The following MAN2A1 variants were observed in gnomAD, a reference collection of about 807,000 sequenced individuals.
The protein encoded by MAN2A1 is mannosidase alpha class 2A member 1, also known as alpha-mannosidase 2.
A neutral mutation model predicts 142.6 loss-of-function variants in MAN2A1; 76 were observed. The observed-to-expected ratio is 0.53, with a 90% CI of 0.44 to 0.65. The LOEUF is 0.65. Ranked by LOEUF, MAN2A1 falls within the 30% of genes least tolerant of loss-of-function variation. MAN2A1 has a pLI of 0.00. For synonymous variants in MAN2A1, 559 were observed against 473.2 expected, an observed-to-expected ratio of 1.18 and a Z score of -2.35; for missense variants, 1,311 against 1,365.1, an observed-to-expected ratio of 0.96 and a Z score of 0.62.
intron 9 of MAN2A1, among the ~76,000 whole-genome samples, chr5:109,784,322 C>T (rs1419446041): frequency 6.6e-6 from 1 of 152,140 alleles, no homozygotes; most frequent in Non-Finnish European, 1.5e-5. Flanking sequence ...TCTCATTTCT[C>T]TTAATGTGTA....
intron 9 of MAN2A1, 37 bp downstream of exon 9, chr5:109,781,635 A>G (rs1330891675): frequency 7.3e-7 from 1 of 1,368,698 alleles, no homozygotes; most frequent in South Asian, 1.4e-5. Context: ...GTATTTTTTC[A>G]CTTTATATTA....
At chr5:109,841,445 C>T (rs1452553534) in intron 16 of MAN2A1, among the ~76,000 whole-genome samples, 1 of 152,184 alleles carries the variant, frequency 6.6e-6, no homozygotes, top group African/African-American at 2.4e-5. Context: ...AGTCTCCAGT[C>T]TCATGGAGGT....
At chr5:109,712,661 C>T (rs1751334434) in intron 1 of MAN2A1, among the ~76,000 whole-genome samples, 1 of 152,124 alleles carries the variant, frequency 6.6e-6, no homozygotes, top group Admixed American at 6.5e-5. Context: ...ATAACATCAC[C>T]TTGTGTGTTC....
At chr5:109,737,066 T>C (rs1391432289) in intron 4 of MAN2A1, among the ~76,000 whole-genome samples, 2 of 151,046 alleles carry the variant, frequency 1.3e-5, no homozygotes, top group African/African-American at 4.9e-5. Context: ...TAATGTCTTA[T>C]GGCCATAGAA....
At chr5:109,808,171 T>C (rs540126441) in intron 12 of MAN2A1, among the ~76,000 whole-genome samples, 43 of 152,190 alleles carry the variant, frequency 2.8e-4, no homozygotes, top group Non-Finnish European at 4.7e-4. Context: ...ATAACATTAT[T>C]TCCCGTATAT....
intron 16 of MAN2A1, among the ~76,000 whole-genome samples, chr5:109,834,750 GAAATTTACTA>G (rs1304438573): frequency 6.6e-6 from 1 of 152,124 alleles, no homozygotes; most frequent in East Asian, 1.9e-4. Context: ...GACTTGGAAT[GAAATTTACTA>G]AAATTTGTAT....
chr5:109,807,322 G>A (rs1446885688), intron 12 of MAN2A1, among the ~76,000 whole-genome samples: 1 of 152,126 alleles, frequency 6.6e-6, no homozygotes, highest in Admixed American at 6.6e-5. Flanking sequence ...AACAGGAATA[G>A]TGTAACCTGG....
intron 12 of MAN2A1, among the ~76,000 whole-genome samples, chr5:109,815,038 A>T (rs893792121): frequency 6.6e-6 from 1 of 152,146 alleles, no homozygotes; most frequent in African/African-American, 2.4e-5. Context: ...CTCTGGGAAC[A>T]TGGGTTTCAG....
At chr5:109,855,478 C>T in intron 20 of MAN2A1, 144 bp downstream of exon 20, 1 of 505,826 alleles carries the variant, frequency 2.0e-6, no homozygotes, top group Non-Finnish European at 3.3e-6. Flanking sequence ...CCAAAAGCTT[C>T]ATGCCTTTCA....
intron 3 of MAN2A1, among the ~76,000 whole-genome samples, chr5:109,720,922 A>T (rs1050184871): frequency 2.6e-5 from 4 of 152,294 alleles, no homozygotes; most frequent in African/African-American, 7.2e-5. Flanking sequence ...TGGTTTAGCT[A>T]CTGCAGGATA....
intron 12 of MAN2A1, among the ~76,000 whole-genome samples, chr5:109,812,189 C>T (rs547072844): frequency 6.2e-4 from 95 of 152,060 alleles, no homozygotes; most frequent in African/African-American, 1.9e-3. Context: ...TCTTGTTTCC[C>T]GATTTTATAG....
intron 8 of MAN2A1, among the ~76,000 whole-genome samples, chr5:109,780,804 A>G (rs1753436320): frequency 6.6e-6 from 1 of 152,156 alleles, no homozygotes; most frequent in Non-Finnish European, 1.5e-5. Context: ...CACTCCTTGG[A>G]TTTAACTTCT....
Position 109,810,727 on chromosome 5 carries a change from G to C in MAN2A1, c.1944-6546G>C, listed in dbSNP as rs116530104. Among the ~76,000 whole-genome samples the C allele has an allele frequency of 5.2e-3, 790 of 152,246 alleles. 7 individuals carry two copies. The highest frequency in any genetic ancestry group is 0.018 in the African/African-American group (746 of 41,534). On this transcript the variant is annotated intron_variant, in intron 12 of 21. Transcript: ENST00000261483. ...CCCAGAGTGAAAATGACTGCAGAAG[G>C]CTGGTCACTTTTCTGAAGTTTTTTC...
chr5:109,835,902 G>A (rs1755043659), intron 16 of MAN2A1, among the ~76,000 whole-genome samples: 1 of 152,156 alleles, frequency 6.6e-6, no homozygotes, highest in African/African-American at 2.4e-5. Flanking sequence ...GGATCTGAGA[G>A]AGTTGGTGGT....
chr5:109,774,664 A>G, intron 7 of MAN2A1, 124 bp from the exon 8 acceptor site: 4 of 688,198 alleles, frequency 5.8e-6, no homozygotes, highest in East Asian at 2.9e-5. Context: ...TAGATAAAAT[A>G]TACAGTTTCT....
rs183408710 is a variant in MAN2A1 at position 109,733,299 on chromosome 5, C to T, written c.707+3786C>T. 4.3e-4 allele frequency among the ~76,000 whole-genome samples: 65 copies of T among 152,308 alleles called. 1 individual carries two copies. Among genetic ancestry groups the T allele is most frequent in the Middle Eastern group, 6.8e-3 (2 of 294 alleles). ...GGGTTTTCTAGATATACAATCATGT[C>T]GTCTGCAAACAGGGACAATGTGACT... is the stretch of plus-strand genomic sequence containing the variant. On this transcript the variant is annotated intron_variant, in intron 4 of 21. Transcript: ENST00000261483.
At chr5:109,696,042 G>C (rs74393883) in intron 1 of MAN2A1, among the ~76,000 whole-genome samples, 42 of 152,148 alleles carry the variant, frequency 2.8e-4, no homozygotes, top group African/African-American at 9.2e-4. Context: ...TTTTCTGAAA[G>C]AGTGCCCTGT....
intron 3 of MAN2A1, among the ~76,000 whole-genome samples, chr5:109,725,606 A>G (rs539735648): frequency 1.7e-4 from 26 of 152,282 alleles, no homozygotes; most frequent in African/African-American, 6.0e-4. Flanking sequence ...GATTTATCCA[A>G]TTGAAAGGGG....
At chr5:109,732,804 C>A (rs1448378853) in intron 4 of MAN2A1, among the ~76,000 whole-genome samples, 2 of 151,908 alleles carry the variant, frequency 1.3e-5, no homozygotes, top group African/African-American at 2.4e-5. Context: ...TGTGATGCCT[C>A]CAGCTTTGTT....
Sources: gnomAD v4.1 joint callset for allele counts (sites outside exome capture counted in the v4.1 genomes callset) on GRCh38, gnomAD v4.1.1 for gene constraint, MANE v1.5 for transcripts, NCBI Gene and HGNC (gene_info 2026-07-23, HGNC 2026-07-21) for gene names.